Variants in PCDH17 observed in about 807,000 individuals in gnomAD.
PCDH17 encodes the protein protocadherin 17.
A neutral mutation model predicts 67.7 loss-of-function variants in PCDH17; 21 were observed. The observed-to-expected ratio is 0.31, with a 90% CI of 0.22 to 0.45. PCDH17 has a LOEUF of 0.45. PCDH17 is among the 20% of genes least tolerant of loss of function. PCDH17 has a pLI of 1.00. For missense variants in PCDH17, 1,471 were observed against 1,564.8 expected (o/e 0.94, Z 1.01); for synonymous variants, 701 against 656.7 (o/e 1.07, Z -1.03).
intron 3 of PCDH17, among the ~76,000 whole-genome samples, chr13:57,701,173 A>G (rs1018359221): frequency 1.3e-5 from 2 of 152,168 alleles, no homozygotes; most frequent in Non-Finnish European, 2.9e-5. Context: ...TTTAAAATGA[A>G]GTTTAGTTTA....
chr13:57,665,519 C>T (rs1955240929), intron 1 of PCDH17, among the ~76,000 whole-genome samples: 1 of 152,068 alleles, frequency 6.6e-6, no homozygotes, highest in African/African-American at 2.4e-5. Context: ...GCTGGATAAT[C>T]TTGTAGGAAC....
At position 57,634,016 on chromosome 13, in the gene PCDH17, C is replaced by T. The variant is rs760011678; in HGVS notation, c.1470C>T (p.Tyr490=). ...QVHENNIPGE[Y]LGSVLAQDPD... ...ACGAGAACAACATCCCGGGAGAGTA[C>T]CTGGGCTCTGTGCTCGCCCAGGATC... The change falls in exon 1 of 4, where the codon TAC becomes TAT. Residue 490 remains tyrosine (Y), a synonymous_variant. Transcript: ENST00000377918. The surrounding 1 kb of genome is among the most constrained non-coding windows in gnomAD (Gnocchi z 7.8). The T allele has an allele frequency of 6.2e-7, 1 of 1,613,476 alleles. No individual in the cohort carries two copies. The highest frequency in any genetic ancestry group is 2.2e-5 in the East Asian group (1 of 44,848).
Position 57,633,798 on chromosome 13 carries a change from T to C in PCDH17, c.1252T>C (p.Tyr418His), listed in dbSNP as rs1382159937. 1.2e-6 allele frequency: 2 copies of C among 1,609,004 alleles called. No homozygotes were observed. Among genetic ancestry groups the C allele is most frequent in the Non-Finnish European group, 1.7e-6 (2 of 1,179,456 alleles). Residue 418 changes from tyrosine (Y) to histidine (H), a missense_variant, in exon 1 of 4, where the codon TAC (tyrosine) becomes CAC (histidine). Tyr to His is a moderately conservative substitution (Grantham distance 83). Around this residue, in one of 3 missense-constraint regions of PCDH17, gnomAD observed 1,163 missense variants for 1,230.0 expected, o/e 0.95. Coordinates refer to ENST00000377918, the MANE Select transcript of PCDH17 (RefSeq NM_001040429.3). This position sits in a 1 kb window ranked among gnomAD's most constrained non-coding sequence, Gnocchi z 6.2. ...GSVPFKLEENYDNFYTVVTDR... is the reference protein window; with the variant it reads ...GSVPFKLEENHDNFYTVVTDR... The stretch of plus-strand genomic sequence containing the variant: ...CGTCCCCTTCAAGCTTGAGGAGAAC[T>C]ACGACAACTTCTACACGGTGGTGAC...
At chr13:57,702,290 C>G (rs1955673577) in intron 3 of PCDH17, among the ~76,000 whole-genome samples, 1 of 151,974 alleles carries the variant, frequency 6.6e-6, no homozygotes, top group African/African-American at 2.4e-5. Context: ...CATGTCTAAA[C>G]AGAGTTTGTG....
chr13:57,668,936 T>C (rs1048900761), intron 3 of PCDH17, among the ~76,000 whole-genome samples: 6 of 152,064 alleles, frequency 3.9e-5, no homozygotes, highest in Non-Finnish European at 8.8e-5. Context: ...TGGTGTGCTG[T>C]ACCCATTAAC....
At chr13:57,639,193 A>C (rs1954861261) in intron 1 of PCDH17, among the ~76,000 whole-genome samples, 1 of 151,936 alleles carries the variant, frequency 6.6e-6, no homozygotes, top group African/African-American at 2.4e-5. Flanking sequence ...AAATATTTTG[A>C]AAAGGTAGAA....
At chr13:57,648,122 A>G (rs1954988394) in intron 1 of PCDH17, among the ~76,000 whole-genome samples, 2 of 151,924 alleles carry the variant, frequency 1.3e-5, no homozygotes, top group Admixed American at 1.3e-4. Flanking sequence ...TAACGATATT[A>G]CAGTTTGGAT....
At chr13:57,722,600 T>C (rs887140803) in intron 3 of PCDH17, among the ~76,000 whole-genome samples, 1 of 152,122 alleles carries the variant, frequency 6.6e-6, no homozygotes, top group Non-Finnish European at 1.5e-5. Flanking sequence ...CCTTTCTTTT[T>C]GCTTTTCTAT....
At chr13:57,652,069 G>C (rs942075944) in intron 1 of PCDH17, among the ~76,000 whole-genome samples, 2 of 151,810 alleles carry the variant, frequency 1.3e-5, no homozygotes, top group African/African-American at 2.4e-5. Context: ...ATGAGGTCAG[G>C]AGATCGAGAC....
chr13:57,710,354 G>A (rs1955764651), intron 3 of PCDH17, among the ~76,000 whole-genome samples: 1 of 151,528 alleles, frequency 6.6e-6, no homozygotes, highest in African/African-American at 2.4e-5. Flanking sequence ...TTACATAGCA[G>A]CCCCATATAG....
chr13:57,634,249 C>CGGTGAG lies in PCDH17; in HGVS notation c.1709_1714dup (p.Arg570_Val571dup), dbSNP rs1381317887. 6.2e-7 allele frequency: 1 copy of CGGTGAG among 1,613,150 alleles called. No homozygotes were observed. The highest frequency in any genetic ancestry group is 8.5e-7 in the Non-Finnish European group (1 of 1,180,040). ...CCCGCGCACTTGGAGAGCAACGCCA[C>CGGTGAG]GGTGAGGGTGACAGTGCTAGACGTG... On this transcript the variant is annotated inframe_insertion, in exon 1 of 4. Coordinates refer to ENST00000377918, the MANE Select transcript of PCDH17 (RefSeq NM_001040429.3). The surrounding 1 kb of genome is among the most constrained non-coding windows in gnomAD (Gnocchi z 7.8).
chr13:57,651,632 C>T (rs1467010208), intron 1 of PCDH17, among the ~76,000 whole-genome samples: 4 of 152,000 alleles, frequency 2.6e-5, no homozygotes, highest in African/African-American at 7.3e-5. Context: ...ACCACAATGC[C>T]TGGGATTCTA....
At chr13:57,641,587 AATATATATATAT>A (rs1166347188) in intron 1 of PCDH17, among the ~76,000 whole-genome samples, 14 of 20,568 alleles carry the variant, frequency 6.8e-4, no homozygotes, top group South Asian at 3.6e-3. Flanking sequence ...AAAAAAAAAA[AATATATATATAT>A]ATATATATAT....
intron 1 of PCDH17, among the ~76,000 whole-genome samples, chr13:57,663,166 TA>T (rs1291374468): frequency 6.6e-6 from 1 of 152,172 alleles, no homozygotes; most frequent in African/African-American, 2.4e-5. Flanking sequence ...GTACATGTGA[TA>T]TTTTTAATGA....
At chr13:57,653,203 G>C (rs1449860328) in intron 1 of PCDH17, among the ~76,000 whole-genome samples, 2 of 151,894 alleles carry the variant, frequency 1.3e-5, no homozygotes, top group Non-Finnish European at 2.9e-5. Flanking sequence ...TTTAATCATA[G>C]AACTGGCTCT....
chr13:57,704,776 G>A (rs1418875850), intron 3 of PCDH17, among the ~76,000 whole-genome samples: 1 of 151,992 alleles, frequency 6.6e-6, no homozygotes, highest in Non-Finnish European at 1.5e-5. Context: ...TATTGCATTT[G>A]TGTGTAAGAT....
rs142744496 is a variant in PCDH17, at chr13:57,633,224, C to T, written c.678C>T (p.Thr226=). The change falls in exon 1 of 4, where the codon ACC becomes ACT. Residue 226 remains threonine (T), a synonymous_variant. Coordinates refer to ENST00000377918, the MANE Select transcript of PCDH17 (RefSeq NM_001040429.3). This position sits in a 1 kb window ranked among gnomAD's most constrained non-coding sequence, Gnocchi z 6.2. The part of the protein sequence containing the change: ...LDGGEPPRSA[T]VQINVKVIDS... ...GTGGCGAGCCTCCACGTTCCGCCAC[C>T]GTACAGATCAACGTGAAGGTGATTG... 7.3e-5 allele frequency: 117 copies of T among 1,613,176 alleles called. No individual in the cohort carries two copies. Among genetic ancestry groups the T allele is most frequent in the Non-Finnish European group, 8.9e-5 (105 of 1,180,010 alleles).
chr13:57,678,513 TAAAC>T (rs944028136), intron 3 of PCDH17, among the ~76,000 whole-genome samples: 2 of 151,640 alleles, frequency 1.3e-5, no homozygotes, highest in Non-Finnish European at 3.0e-5. Flanking sequence ...TTTGAAAACA[TAAAC>T]AGAGATGTGG....
chr13:57,676,471 A>G (rs2138040297), intron 3 of PCDH17, among the ~76,000 whole-genome samples: 1 of 152,010 alleles, frequency 6.6e-6, no homozygotes, highest in South Asian at 2.1e-4. Flanking sequence ...GTATGGAAGT[A>G]TCAGAAGAGG....
Sources: allele counts gnomAD v4.1 joint callset (sites outside exome capture counted in the v4.1 genomes callset), GRCh38; gene constraint gnomAD v4.1.1; regional missense constraint gnomAD v4.1.1; non-coding constraint Gnocchi (gnomAD v3.1); transcripts MANE v1.5; gene names NCBI Gene and HGNC (gene_info 2026-07-23, HGNC 2026-07-21).